The following ARHGAP12 variants were observed in gnomAD, a reference collection of about 807,000 sequenced individuals.
ARHGAP12 encodes rho GTPase-activating protein 12.
In ARHGAP12, 64 loss-of-function variants were observed where a neutral mutation model predicts 108.6. The observed-to-expected ratio is 0.59, with a 90% confidence interval of 0.48 to 0.73. The LOEUF is 0.73. Ranked by LOEUF, ARHGAP12 falls within the 30% of genes least tolerant of loss-of-function variation. The pLI, the probability that ARHGAP12 is intolerant of heterozygous loss-of-function variation, is 0.00. For missense variants in ARHGAP12, 940 were observed against 1,005.9 expected, an observed-to-expected ratio of 0.93 and a Z score of 0.89; for synonymous variants, 312 against 337.2, an observed-to-expected ratio of 0.93 and a Z score of 0.82.
intron 6 of ARHGAP12, among the ~76,000 whole-genome samples, chr10:31,846,631 A>T (rs1836468021): frequency 6.6e-6 from 1 of 152,160 alleles, no homozygotes; most frequent in African/African-American, 2.4e-5. Flanking sequence ...AGGGCTTTCA[A>T]GACTTTATCA....
intron 9 of ARHGAP12, among the ~76,000 whole-genome samples, chr10:31,838,061 GA>G (rs1766172317): frequency 6.6e-6 from 1 of 152,148 alleles, no homozygotes; most frequent in African/African-American, 2.4e-5. Context: ...CAAATACTAT[GA>G]AGAGTATTAT....
Position 31,826,402 on chromosome 10 carries a change from G to A in ARHGAP12, c.1449-17C>T, listed in dbSNP as rs1477496333. 1 of 1,597,410 alleles carries A rather than the reference G, an allele frequency of 6.3e-7. No homozygotes were observed. On this transcript the variant is annotated splice_polypyrimidine_tract_variant and intron_variant, in intron 10 of 19. Transcript: ENST00000344936. ...CAGTTCTTTCTGTAATTATAAAGAT[G>A]ACCGATTAAAGCTCCAATCTCGAGT...
At chr10:31,928,174 GCACA>G (rs60633813) in intron 1 of ARHGAP12, among the ~76,000 whole-genome samples, 30,124 of 149,232 alleles carry the variant, frequency 0.2, 3,270 homozygotes, top group East Asian at 0.39. Flanking sequence ...GGCCTTTTGC[GCACA>G]CACACACACA....
chr10:31,829,922 T>G (rs1473203345), intron 10 of ARHGAP12, among the ~76,000 whole-genome samples: 1 of 152,166 alleles, frequency 6.6e-6, no homozygotes, highest in African/African-American at 2.4e-5. Flanking sequence ...TTTTTTCACA[T>G]ACTTCAAACA....
chr10:31,872,686 C>T (rs1837585625), intron 3 of ARHGAP12, among the ~76,000 whole-genome samples: 1 of 152,136 alleles, frequency 6.6e-6, no homozygotes, highest in Admixed American at 6.6e-5. Context: ...TCTCTAAAAG[C>T]ACATATCTGA....
intron 9 of ARHGAP12, among the ~76,000 whole-genome samples, chr10:31,832,466 T>C (rs1835868278): frequency 6.6e-6 from 1 of 152,218 alleles, no homozygotes; most frequent in Non-Finnish European, 1.5e-5. Context: ...CAGAAGCCAC[T>C]GCACTAAAGT....
chr10:31,841,774 T>C (rs915673080), intron 7 of ARHGAP12, among the ~76,000 whole-genome samples: 2 of 152,148 alleles, frequency 1.3e-5, no homozygotes, highest in African/African-American at 4.8e-5. Flanking sequence ...TCACCCTAAG[T>C]TGCAGAGCAT....
At chr10:31,851,921 T>C (rs1253304766) in intron 6 of ARHGAP12, among the ~76,000 whole-genome samples, 1 of 152,246 alleles carries the variant, frequency 6.6e-6, no homozygotes, top group African/African-American at 2.4e-5. Context: ...TTCAAATGTT[T>C]GCTCATATAT....
chr10:31,839,506 T>G, intron 8 of ARHGAP12, 131 bp downstream of exon 8: 3 of 1,136,268 alleles, frequency 2.6e-6, no homozygotes, highest in South Asian at 1.8e-5. Context: ...TTATTTTGAT[T>G]GTGATTTTTT....
chr10:31,858,368 T>C (rs1836966693), intron 4 of ARHGAP12, among the ~76,000 whole-genome samples: 1 of 152,122 alleles, frequency 6.6e-6, no homozygotes, highest in African/African-American at 2.4e-5. Flanking sequence ...ATAGATCCTA[T>C]ATGGCTTCAA....
At chr10:31,912,732 T>C (rs953696400) in intron 1 of ARHGAP12, among the ~76,000 whole-genome samples, 2 of 152,110 alleles carry the variant, frequency 1.3e-5, no homozygotes, top group Non-Finnish European at 2.9e-5. Flanking sequence ...GATAGATTTC[T>C]AGTCAATACC....
At chr10:31,859,191 A>G (rs1336437344) in intron 4 of ARHGAP12, among the ~76,000 whole-genome samples, 1 of 152,180 alleles carries the variant, frequency 6.6e-6, no homozygotes, top group African/African-American at 2.4e-5. Context: ...GAAAGAAGGG[A>G]GACTGAGGGA....
intron 3 of ARHGAP12, among the ~76,000 whole-genome samples, chr10:31,884,478 T>TA (rs146681968): frequency 1.0e-3 from 153 of 152,322 alleles, no homozygotes; most frequent in African/African-American, 3.4e-3. Flanking sequence ...AGAAATACTT[T>TA]ACAGCCTTTT....
chr10:31,862,532 G>A (rs1282759301), intron 3 of ARHGAP12, among the ~76,000 whole-genome samples: 1 of 152,106 alleles, frequency 6.6e-6, no homozygotes, highest in African/African-American at 2.4e-5. Flanking sequence ...CTTATGTTAT[G>A]TATTTGTATT....
At chr10:31,833,863 T>C (rs1835920126) in intron 9 of ARHGAP12, among the ~76,000 whole-genome samples, 1 of 152,160 alleles carries the variant, frequency 6.6e-6, no homozygotes, top group Non-Finnish European at 1.5e-5. Context: ...GGATTTTAAA[T>C]TCCCCCAAGT....
At chr10:31,854,296 T>A (rs1836807033) in intron 4 of ARHGAP12, 90 bp from the exon 5 acceptor site, 4 of 1,149,470 alleles carry the variant, frequency 3.5e-6, no homozygotes, top group Non-Finnish European at 4.8e-6. Flanking sequence ...TACTTGACTA[T>A]AAGTATGAAG....
chr10:31,878,127 TATAC>T (rs1407217119), intron 3 of ARHGAP12, among the ~76,000 whole-genome samples: 4 of 152,184 alleles, frequency 2.6e-5, no homozygotes, highest in African/African-American at 7.2e-5. Flanking sequence ...CACAAAATGT[TATAC>T]ATAATCTTCT....
At chr10:31,827,687 A>G (rs1230306394) in intron 10 of ARHGAP12, among the ~76,000 whole-genome samples, 1 of 151,832 alleles carries the variant, frequency 6.6e-6, no homozygotes, top group Non-Finnish European at 1.5e-5. Context: ...GCTACTCGGG[A>G]GGCTGAGGCA....
At chr10:31,880,181 CTTTA>C (rs1837886450) in intron 3 of ARHGAP12, among the ~76,000 whole-genome samples, 2 of 152,100 alleles carry the variant, frequency 1.3e-5, no homozygotes, top group South Asian at 2.1e-4. Flanking sequence ...TTTTTGCCTT[CTTTA>C]TTTTGTTCTT....
Sources: gnomAD v4.1 joint callset for allele counts (sites outside exome capture counted in the v4.1 genomes callset) on GRCh38, gnomAD v4.1.1 for gene constraint, MANE v1.5 for transcripts, NCBI Gene and HGNC (gene_info 2026-07-23, HGNC 2026-07-21) for gene names.